JCAD: variants seen among roughly 807,000 people sequenced by gnomAD.
JCAD encodes junctional cadherin 5 associated.
JCAD carries 40 observed loss-of-function variants against 98.0 expected under a neutral mutation model. That is an observed-to-expected ratio of 0.41 (90% confidence interval 0.32 to 0.53). The LOEUF (loss-of-function observed/expected upper bound fraction) is 0.53, where lower values mean the gene tolerates loss of function less well. Ranked by LOEUF, JCAD falls within the 20% of genes least tolerant of loss-of-function variation. The pLI, the probability that JCAD is intolerant of heterozygous loss-of-function variation, is 0.31. For missense variants in JCAD, 1,705 were observed against 1,738.1 expected (o/e 0.98, Z 0.34); for synonymous variants, 691 against 682.3 (o/e 1.01, Z -0.20).
At chr10:30,061,764 T>C (rs1425824775), upstream of JCAD, among the ~76,000 whole-genome samples, 2 of 151,904 alleles carry the variant, frequency 1.3e-5, no homozygotes, top group African/African-American at 4.8e-5. Flanking sequence ...TCACAGTTAT[T>C]AACAGCAGTG....
intron 1 of JCAD, among the ~76,000 whole-genome samples, chr10:30,102,669 A>G (rs1838491585): frequency 6.6e-6 from 1 of 152,208 alleles, no homozygotes; most frequent in Non-Finnish European, 1.5e-5. Flanking sequence ...TAGATTCCTT[A>G]TATAAGCAGA....
chr10:30,044,677 C>CTTTTTTTTTTTTTTTTTTT (rs4017854), intron 2 of JCAD: 1 of 186,676 alleles, frequency 5.4e-6, no homozygotes, highest in African/African-American at 2.6e-5. Context: ...GCAGTATTGG[C>CTTTTTTTTTTTTTTTTTTT]TTTTTTTTTT....
chr10:30,067,412 C>T (rs578262376), intron 2 of JCAD, among the ~76,000 whole-genome samples: 15 of 152,010 alleles, frequency 9.9e-5, no homozygotes, highest in Admixed American at 5.9e-4. Flanking sequence ...CTGCAACCTC[C>T]GCCTCCCAGG....
At chr10:30,094,589 C>T (rs1389126923) in intron 1 of JCAD, among the ~76,000 whole-genome samples, 1 of 152,208 alleles carries the variant, frequency 6.6e-6, no homozygotes, top group African/African-American at 2.4e-5. Flanking sequence ...CAATATTCAT[C>T]TTTTGTTGAA....
intron 1 of JCAD, among the ~76,000 whole-genome samples, chr10:30,088,223 G>C (rs1196604562): frequency 6.6e-6 from 1 of 152,224 alleles, no homozygotes; most frequent in Admixed American, 6.5e-5. Flanking sequence ...GTGAAAATTA[G>C]AAATAGGAAG....
chr10:30,067,860 A>G (rs1211336377), intron 2 of JCAD, among the ~76,000 whole-genome samples: 1 of 152,212 alleles, frequency 6.6e-6, no homozygotes, highest in Non-Finnish European at 1.5e-5. Flanking sequence ...GGTGTAGCCT[A>G]CTGCATACCT....
Position 30,028,446 on chromosome 10 carries a change from T to C in JCAD, c.1702A>G (p.Lys568Glu), listed in dbSNP as rs955384075. ...TTCATTTTTTTCTTTGAACTTTTCT[T>C]GGTCCGAGTCCCAGTTTGGAACTTT... ...LKKFQTGTRTKKSSKKKMNET... is the reference protein window; with the variant it reads ...LKKFQTGTRTEKSSKKKMNET... Residue 568 changes from lysine to glutamate, a missense_variant, in exon 3 of 4, where the codon AAG becomes GAG. Lys to Glu is a moderately conservative substitution (Grantham distance 56). Around this residue, in one of 3 missense-constraint regions of JCAD, gnomAD observed 1,278 missense variants for 1,243.1 expected, o/e 1.03. Transcript: ENST00000375377. 1.2e-6 allele frequency: 2 copies of C among 1,614,258 alleles called. No homozygotes were observed. Among genetic ancestry groups the C allele is most frequent in the Non-Finnish European group, 1.7e-6 (2 of 1,180,054 alleles).
At chr10:30,099,299 A>G (rs942048587) in intron 1 of JCAD, among the ~76,000 whole-genome samples, 1 of 152,166 alleles carries the variant, frequency 6.6e-6, no homozygotes, top group Non-Finnish European at 1.5e-5. Flanking sequence ...TTTCTGTCTC[A>G]TTCCTAAAGA....
intron 2 of JCAD, among the ~76,000 whole-genome samples, chr10:30,039,013 G>A (rs1271733984): frequency 6.6e-6 from 1 of 152,102 alleles, no homozygotes; most frequent in Non-Finnish European, 1.5e-5. Flanking sequence ...CCTAACCCCC[G>A]ACTCACGCCA....
At chr10:30,019,156 G>A (rs912380189) in intron 3 of JCAD, among the ~76,000 whole-genome samples, 4 of 151,974 alleles carry the variant, frequency 2.6e-5, no homozygotes, top group Non-Finnish European at 4.4e-5. Context: ...GGGAGTTCAA[G>A]ACCAGCCTGA....
Position 30,052,761 on chromosome 10 carries a change from G to T in JCAD, c.-59-4890C>A, listed in dbSNP as rs541944747. Among the ~76,000 whole-genome samples, 6 of 152,272 alleles carry T rather than the reference G, an allele frequency of 3.9e-5. No homozygotes were observed. The South Asian group carries it at 1.0e-3, about 26-fold the overall frequency. On this transcript the variant is annotated intron_variant, in intron 1 of 3. Transcript: ENST00000375377. ...TAAGACCCCGTCAGCACCCTCCCTT[G>T]CGATGCTATGGTCTAGGTGGTATTA...
At chr10:30,109,199 C>T (rs888456254) in intron 1 of JCAD, among the ~76,000 whole-genome samples, 4 of 152,132 alleles carry the variant, frequency 2.6e-5, no homozygotes, top group Admixed American at 6.6e-5. Flanking sequence ...ATTGGCGGAG[C>T]GGAATTGGCC....
At chr10:30,109,057 C>G (rs537279881) in intron 1 of JCAD, among the ~76,000 whole-genome samples, 1 of 152,276 alleles carries the variant, frequency 6.6e-6, no homozygotes, top group Admixed American at 6.5e-5. Flanking sequence ...CTCCGCTGCA[C>G]GCCCTGGCAC....
intron 1 of JCAD, among the ~76,000 whole-genome samples, chr10:30,091,308 A>G (rs1226797518): frequency 1.3e-5 from 2 of 152,238 alleles, no homozygotes; most frequent in Non-Finnish European, 2.9e-5. Flanking sequence ...AGGTTATAAC[A>G]ACACATGCAA....
At chr10:30,043,516 A>G (rs4749523) in intron 2 of JCAD, among the ~76,000 whole-genome samples, 42,663 of 151,996 alleles carry the variant, frequency 0.28, 6,733 homozygotes, top group Non-Finnish European at 0.36. Context: ...CCTTTACAAC[A>G]TCCACAGAAG....
chr10:30,077,713 G>A (rs187733804), intron 1 of JCAD, among the ~76,000 whole-genome samples: 14 of 152,232 alleles, frequency 9.2e-5, no homozygotes, highest in African/African-American at 2.6e-4. Context: ...TTCACCCAGC[G>A]TGTTTTCAAG....
Position 30,017,276 on chromosome 10 carries a change from T to C in JCAD, c.*607A>G, listed in dbSNP as rs1836553636. On this transcript the variant is annotated 3_prime_UTR_variant, in exon 4 of 4. Transcript: ENST00000375377. The stretch of plus-strand genomic sequence containing the variant: ...TAGTATATTACAGTACAAGTTTTAA[T>C]TTTTCAGGAACTTAAAAGATATTGC... 1 of 153,856 alleles carries C rather than the reference T, an allele frequency of 6.5e-6. No individual in the cohort carries two copies. The highest frequency in any genetic ancestry group is 2.4e-5 in the African/African-American group (1 of 41,488). The allele number at this position is 153,856 out of a possible 1,614,324, so 9.5% of individuals were successfully genotyped here.
At chr10:30,032,029 C>T (rs901853921) in intron 2 of JCAD, among the ~76,000 whole-genome samples, 1 of 151,384 alleles carries the variant, frequency 6.6e-6, no homozygotes, top group African/African-American at 2.4e-5. Flanking sequence ...GCTGGGATTA[C>T]AGGCGTGAGC....
chr10:30,079,549 G>A (rs1439503725), intron 1 of JCAD, among the ~76,000 whole-genome samples: 1 of 152,104 alleles, frequency 6.6e-6, no homozygotes, highest in Non-Finnish European at 1.5e-5. Context: ...TGTCTAGGCA[G>A]AGAATCTTTG....
Sources: gnomAD v4.1 joint callset for allele counts (sites outside exome capture counted in the v4.1 genomes callset) on GRCh38, gnomAD v4.1.1 for gene constraint, gnomAD v4.1.1 regional missense constraint, MANE v1.5 for transcripts, NCBI Gene and HGNC (gene_info 2026-07-23, HGNC 2026-07-21) for gene names.